Variants in DMD observed in about 807,000 individuals in gnomAD.
DMD encodes dystrophin.
In DMD, 63 loss-of-function variants were observed where a neutral mutation model predicts 330.1. The observed-to-expected ratio is 0.19, with a 90% confidence interval of 0.16 to 0.24. DMD has a LOEUF of 0.24. DMD is among the 10% of genes least tolerant of loss of function. The pLI is 1.00. For synonymous variants in DMD, 1,223 were observed against 959.8 expected (o/e 1.27, Z -5.07); for missense variants, 3,344 against 2,684.1 (o/e 1.25, Z -5.43).
At chrX:31,138,637 GAGAGAGA>G (rs2035575117) in intron 76 of DMD, among the ~76,000 whole-genome samples, 2 of 3,147 alleles carry the variant, frequency 6.4e-4, no homozygotes, top group Non-Finnish European at 1.7e-3. Flanking sequence ...GAGAGAGAGA[GAGAGAGA>G]GAGAGAGAGA....
At chrX:31,220,543 A>G (rs1243979652) in intron 64 of DMD, among the ~76,000 whole-genome samples, 2 of 111,439 alleles carry the variant, frequency 1.8e-5, no homozygotes, top group African/African-American at 3.3e-5. Context: ...CCTCCTGGCC[A>G]TTCCTTTGCA....
intron 43 of DMD, among the ~76,000 whole-genome samples, chrX:32,264,767 G>A (rs1377146650): frequency 8.9e-6 from 1 of 111,874 alleles, no homozygotes; most frequent in Non-Finnish European, 1.9e-5. Context: ...CTGTCCGAGA[G>A]ATCTGTGGAA....
chrX:32,523,603 C>A (rs1029680145), intron 17 of DMD, among the ~76,000 whole-genome samples: 2 of 112,267 alleles, frequency 1.8e-5, no homozygotes, highest in African/African-American at 6.5e-5. Flanking sequence ...CAATCACATT[C>A]CTACATGGCT....
At chrX:33,282,464 CACTT>C (rs2053350504) in intron 1 of DMD, among the ~76,000 whole-genome samples, 1 of 111,415 alleles carries the variant, frequency 9.0e-6, no homozygotes, top group African/African-American at 3.3e-5. Context: ...TGCACTAGGC[CACTT>C]AGAGTGGTAA....
intron 9 of DMD, among the ~76,000 whole-genome samples, chrX:32,692,341 G>C (rs1297907142): frequency 2.7e-5 from 3 of 111,840 alleles, no homozygotes; most frequent in African/African-American, 9.7e-5. Flanking sequence ...TGGGTAATTT[G>C]TTCAGTCACA....
chrX:32,441,377 C>T, intron 27 of DMD, 63 bp from the exon 28 acceptor site: 2 of 1,092,692 alleles, frequency 1.8e-6, no homozygotes, highest in Non-Finnish European at 2.5e-6. Flanking sequence ...TGAAATTTTG[C>T]CATTTCATTA....
In DMD at chrX:32,348,528, C is replaced by T. The variant is rs1192262859; in HGVS notation, c.5326G>A (p.Ala1776Thr). 8.4e-7 allele frequency: 1 copy of T among 1,190,053 alleles called. No homozygotes were observed. Among genetic ancestry groups the T allele is most frequent in the Non-Finnish European group, 1.1e-6 (1 of 884,405 alleles). The change falls in exon 38 of 79, where the codon GCC becomes ACC. Residue 1776 changes from alanine to threonine, a missense_variant and splice_region_variant. By Grantham distance (58) the Ala-to-Thr change is moderately conservative. Transcript: ENST00000357033. ...TCCAATTCCTTCAAAGGAATGGAGGCCTAAAAAAAAAGATAGTGCTACTTT... is the reference window on the plus strand; with the variant it reads ...TCCAATTCCTTCAAAGGAATGGAGGTCTAAAAAAAAAGATAGTGCTACTTT... ...AISHRIKTGK[A>T]SIPLKELEQF...
intron 42 of DMD, among the ~76,000 whole-genome samples, chrX:32,303,943 A>T (rs1166305513): frequency 1.8e-5 from 2 of 111,031 alleles, no homozygotes; most frequent in Admixed American, 1.9e-4. Flanking sequence ...GGTTTTACGG[A>T]GCTTCCAAAA....
intron 51 of DMD, among the ~76,000 whole-genome samples, chrX:31,770,852 G>A (rs2090297910): frequency 8.9e-6 from 1 of 111,989 alleles, no homozygotes; most frequent in Non-Finnish European, 1.9e-5. Context: ...CATATCATAT[G>A]TGTTAGCTAT....
At chrX:32,913,308 C>A (rs919221885) in intron 2 of DMD, among the ~76,000 whole-genome samples, 1 of 112,218 alleles carries the variant, frequency 8.9e-6, no homozygotes, top group Non-Finnish European at 1.9e-5. Context: ...TACAAAAAGT[C>A]ATTTAAAAAT....
At chrX:32,086,202 T>C (rs543415945) in intron 44 of DMD, among the ~76,000 whole-genome samples, 14 of 112,198 alleles carry the variant, frequency 1.2e-4, no homozygotes, top group African/African-American at 4.2e-4. Context: ...CCAGGGGTAC[T>C]GTTTTGTTTT....
rs187503300 is a variant in DMD at position 33,092,795 on chromosome X, T to C, written c.32-72595A>G. The stretch of plus-strand genomic sequence containing the variant: ...AGATATCCGAACTCAGGAGCTTTCA[T>C]TTCTTGAATGAAGAGGCTTCTGTGT... On this transcript the variant is annotated intron_variant, in intron 1 of 78. Coordinates refer to ENST00000357033, the MANE Select transcript of DMD (RefSeq NM_004006.3). 2.7e-3 allele frequency among the ~76,000 whole-genome samples: 298 copies of C among 111,992 alleles called. 1 individual carries two copies. Among genetic ancestry groups the C allele is most frequent in the African/African-American group, 9.1e-3 (282 of 30,908 alleles).
At chrX:32,519,882 A>C (rs1468124986) in intron 17 of DMD, among the ~76,000 whole-genome samples, 1 of 112,080 alleles carries the variant, frequency 8.9e-6, no homozygotes, top group Non-Finnish European at 1.9e-5. Flanking sequence ...TTCGCATTTT[A>C]TATTCTCACA....
chrX:32,098,251 A>C (rs1042745258), intron 44 of DMD, among the ~76,000 whole-genome samples: 1 of 111,669 alleles, frequency 9.0e-6, no homozygotes, highest in African/African-American at 3.2e-5. Context: ...ATAAATAAAG[A>C]TCTATAGTAC....
chrX:32,912,507 A>G (rs1049643109), intron 2 of DMD, among the ~76,000 whole-genome samples: 1 of 111,525 alleles, frequency 9.0e-6, no homozygotes, highest in Non-Finnish European at 1.9e-5. Context: ...AAAAGAATTA[A>G]AACTGGAAAC....
Position 31,969,080 on chromosome X carries a change from G to A in DMD, c.6439-566C>T, listed in dbSNP as rs2095376605. ...TTTGCATTAGAAGCCACAAAAAACT[G>A]AGAATTAATTGCTTTCAGGAGCATC... is the stretch of plus-strand genomic sequence containing the variant. On this transcript the variant is annotated intron_variant, in intron 44 of 78. Coordinates refer to ENST00000357033, the MANE Select transcript of DMD (RefSeq NM_004006.3). 4.5e-5 allele frequency among the ~76,000 whole-genome samples: 5 copies of A among 111,342 alleles called. No homozygotes were observed. The South Asian group carries it at 1.8e-3, about 41-fold the overall frequency.
chrX:31,212,178 ATGTGTGTGTG>A (rs377234015), intron 64 of DMD, among the ~76,000 whole-genome samples: 1 of 75,314 alleles, frequency 1.3e-5, no homozygotes, highest in Non-Finnish European at 2.8e-5. Context: ...GTGTGTGTGT[ATGTGTGTGTG>A]TGTGTGTGTG....
At chrX:32,556,638 C>G (rs1044676244) in intron 16 of DMD, among the ~76,000 whole-genome samples, 1 of 111,555 alleles carries the variant, frequency 9.0e-6, no homozygotes, top group Admixed American at 9.5e-5. Context: ...CAAACACGAA[C>G]GAGTCAAACT....
chrX:32,969,668 CAT>C lies in DMD; in HGVS notation c.93+50469_93+50470del, dbSNP rs759398171. 5.1e-4 allele frequency among the ~76,000 whole-genome samples: 48 copies of C among 94,775 alleles called. 4 individuals carry two copies. The highest frequency in any genetic ancestry group is 8.7e-4 in the Non-Finnish European group (43 of 49,469). 82.3% of individuals were successfully genotyped at this position (94,775 alleles called of 115,157 possible). ...GACATATATATAATAAACTAGAACACATATGCACATATGTATGTACATGTATG... is the reference window on the plus strand; with the variant it reads ...GACATATATATAATAAACTAGAACACATGCACATATGTATGTACATGTATG... On this transcript the variant is annotated intron_variant, in intron 2 of 78. Coordinates refer to ENST00000357033, the MANE Select transcript of DMD (RefSeq NM_004006.3).
Sources: gnomAD v4.1 joint callset for allele counts (sites outside exome capture counted in the v4.1 genomes callset) on GRCh38, gnomAD v4.1.1 for gene constraint, MANE v1.5 for transcripts, NCBI Gene and HGNC (gene_info 2026-07-23, HGNC 2026-07-21) for gene names.